B4GALT6: variants seen among roughly 807,000 people sequenced by gnomAD.
The protein encoded by B4GALT6 is UDP-Gal:beta-GlcNAc beta-1,4-galactosyltransferase 6.
A neutral mutation model predicts 46.3 loss-of-function variants in B4GALT6; 14 were observed. The observed-to-expected ratio is 0.30, with a 90% CI of 0.20 to 0.47. The LOEUF (loss-of-function observed/expected upper bound fraction) is 0.47, where lower values mean the gene tolerates loss of function less well. Ranked by LOEUF, B4GALT6 falls within the 20% of genes least tolerant of loss-of-function variation. The pLI is 0.99. For synonymous variants in B4GALT6, 168 were observed against 162.0 expected (o/e 1.04, Z -0.28); for missense variants, 386 against 480.1 (o/e 0.80, Z 1.83).
At chr18:31,634,227 G>C (rs981312885) in intron 5 of B4GALT6, among the ~76,000 whole-genome samples, 1 of 152,184 alleles carries the variant, frequency 6.6e-6, no homozygotes, top group African/African-American at 2.4e-5. Context: ...ACACAGGTGC[G>C]TCAGCACTCT....
chr18:31,675,164 T>C (rs1365530839), intron 1 of B4GALT6, among the ~76,000 whole-genome samples: 1 of 152,230 alleles, frequency 6.6e-6, no homozygotes, highest in African/African-American at 2.4e-5. Context: ...TCTTTACAAT[T>C]TCCACTCTGC....
the B4GALT6 span, among the ~76,000 whole-genome samples, chr18:31,711,368 C>T: frequency 7.8e-4 from 119 of 152,238 alleles, no homozygotes; most frequent in African/African-American, 2.7e-3. Context: ...GTACTAACTT[C>T]GTACCCAATA....
the B4GALT6 span, among the ~76,000 whole-genome samples, chr18:31,710,512 ACAGAGG>A: frequency 6.6e-6 from 1 of 152,174 alleles, no homozygotes; most frequent in Admixed American, 6.5e-5. Context: ...CAACGCGAAG[ACAGAGG>A]CAGAGATTGG....
In B4GALT6 at chr18:31,635,548, A is replaced by G. The variant is rs916618641; in HGVS notation, c.588+3096T>C. Reference sequence around the variant, plus strand: ...ATTTCCACGGAGAAAAAGCAGAGGTAAAAAGCTGAGAGTGAGAAACAAAAC... The same window carrying G: ...ATTTCCACGGAGAAAAAGCAGAGGTGAAAAGCTGAGAGTGAGAAACAAAAC... On this transcript the variant is annotated intron_variant, in intron 5 of 8. Transcript: ENST00000306851. 2.6e-4 allele frequency among the ~76,000 whole-genome samples: 39 copies of G among 152,330 alleles called. 1 individual carries two copies. Among genetic ancestry groups the G allele is most frequent in the Admixed American group, 2.2e-3 (34 of 15,306 alleles).
At chr18:31,632,832 C>T (rs2073808334) in intron 5 of B4GALT6, among the ~76,000 whole-genome samples, 1 of 152,150 alleles carries the variant, frequency 6.6e-6, no homozygotes, top group Non-Finnish European at 1.5e-5. Context: ...ATATGCCCTA[C>T]ACCTATTAAT....
At chr18:31,720,555 G>A in the B4GALT6 span, among the ~76,000 whole-genome samples, 8 of 152,224 alleles carry the variant, frequency 5.3e-5, no homozygotes, top group African/African-American at 1.7e-4. Flanking sequence ...AAGGACTGAC[G>A]CCCACCCATG....
rs549419070 is a variant in B4GALT6, at chr18:31,624,697, A to C, written c.*917T>G. 1 of 152,296 alleles carries C rather than the reference A, an allele frequency of 6.6e-6. No individual in the cohort carries two copies. The highest frequency in any genetic ancestry group is 2.4e-5 in the African/African-American group (1 of 41,568). 9.4% of individuals were successfully genotyped at this position (152,296 alleles called of 1,614,324 possible). ...GCTCTTCTGAACTGGAAATAATAAA[A>C]GTGCTGTTCACCGTGAATTTAAAAA... On this transcript the variant is annotated 3_prime_UTR_variant, in exon 9 of 9. Coordinates refer to ENST00000306851, the MANE Select transcript of B4GALT6 (RefSeq NM_004775.5).
At chr18:31,692,397 A>G in the B4GALT6 span, among the ~76,000 whole-genome samples, 1 of 152,144 alleles carries the variant, frequency 6.6e-6, no homozygotes, top group Non-Finnish European at 1.5e-5. Flanking sequence ...TACTGTTACC[A>G]TTTCAGGTAG....
chr18:31,685,777 T>C (rs2144768979), upstream of B4GALT6: 1 of 152,432 alleles, frequency 6.6e-6, no homozygotes, highest in East Asian at 1.9e-4. Context: ...GGGTGGAATT[T>C]CCTTCCAAAA....
chr18:31,684,810 G>A (rs1469884474), upstream of B4GALT6: 5 of 1,023,426 alleles, frequency 4.9e-6, no homozygotes, highest in South Asian at 1.5e-4. Context: ...GCGCGCCGCG[G>A]CGCCCCTGCG....
the B4GALT6 span, among the ~76,000 whole-genome samples, chr18:31,722,186 T>C: frequency 3.3e-5 from 5 of 152,164 alleles, no homozygotes; most frequent in African/African-American, 1.2e-4. Flanking sequence ...TATTCTTTTA[T>C]AGAATCTCAT....
At chr18:31,662,527 T>A (rs1261988623) in intron 2 of B4GALT6, among the ~76,000 whole-genome samples, 1 of 152,188 alleles carries the variant, frequency 6.6e-6, no homozygotes, top group East Asian at 1.9e-4. Context: ...GATTTAAGCT[T>A]TTGGAGATTT....
At chr18:31,660,292 G>T (rs2074196837) in intron 2 of B4GALT6, among the ~76,000 whole-genome samples, 1 of 151,706 alleles carries the variant, frequency 6.6e-6, no homozygotes, top group African/African-American at 2.4e-5. Flanking sequence ...CAAAATTCTT[G>T]TTTTTTTCTT....
upstream of B4GALT6, among the ~76,000 whole-genome samples, chr18:31,685,488 G>A (rs933521163): frequency 1.5e-4 from 23 of 151,774 alleles, no homozygotes; most frequent in African/African-American, 5.6e-4. Flanking sequence ...CGCTGCGCCG[G>A]GCCCCGAGGA....
At chr18:31,669,142 A>AT (rs1192080703) in intron 1 of B4GALT6, among the ~76,000 whole-genome samples, 2 of 152,056 alleles carry the variant, frequency 1.3e-5, no homozygotes, top group East Asian at 3.9e-4. Flanking sequence ...TTCAGTTTCT[A>AT]TTTATTCTTG....
In B4GALT6 at chr18:31,657,961, T is replaced by C. The variant is rs758088806; in HGVS notation, c.346+15A>G. On this transcript the variant is annotated intron_variant, in intron 3 of 8. Transcript: ENST00000306851. ...CACAAGTAAACAGTTAAGTCAAAATTAGATGACGACTTACGCATATAAGGC... is the reference window on the plus strand; with the variant it reads ...CACAAGTAAACAGTTAAGTCAAAATCAGATGACGACTTACGCATATAAGGC... 6.3e-7 allele frequency: 1 copy of C among 1,585,466 alleles called. No individual in the cohort carries two copies. Among genetic ancestry groups the C allele is most frequent in the African/African-American group, 1.4e-5 (1 of 74,028 alleles).
chr18:31,626,201 G>A (rs1238742197), intron 8 of B4GALT6, 82 bp downstream of exon 8: 3 of 726,458 alleles, frequency 4.1e-6, no homozygotes, highest in Non-Finnish European at 6.5e-6. Flanking sequence ...CAGCTTTTTT[G>A]GGGTTCAATG....
chr18:31,697,930 T>C, the B4GALT6 span, among the ~76,000 whole-genome samples: 4 of 152,252 alleles, frequency 2.6e-5, no homozygotes, highest in Non-Finnish European at 4.4e-5. Context: ...GTGGTTTCAA[T>C]ATCTTGTTTC....
chr18:31,635,052 C>T (rs1469984448), intron 5 of B4GALT6, among the ~76,000 whole-genome samples: 1 of 151,920 alleles, frequency 6.6e-6, no homozygotes, highest in East Asian at 1.9e-4. Flanking sequence ...ACCATCCTGG[C>T]CAACCCTGTC....
Sources: gnomAD v4.1 joint callset for allele counts (sites outside exome capture counted in the v4.1 genomes callset) on GRCh38, gnomAD v4.1.1 for gene constraint, MANE v1.5 for transcripts, NCBI Gene and HGNC (gene_info 2026-07-23, HGNC 2026-07-21) for gene names.